The following GPR179 variants were observed in gnomAD, a reference collection of about 807,000 sequenced individuals.
GPR179 encodes probable G protein-coupled receptor 179.
Under a neutral mutation model 70.8 loss-of-function variants are expected in GPR179, and 52 were observed. The observed-to-expected ratio is 0.73, with a 90% CI of 0.59 to 0.93. The LOEUF is 0.93. Among genes scored for constraint, GPR179 ranks in the 40% least tolerant of loss-of-function variants. The pLI is 0.00. For missense variants in GPR179, 2,734 were observed against 2,966.8 expected, an observed-to-expected ratio of 0.92 and a Z score of 1.82; for synonymous variants, 1,123 against 1,169.0, an observed-to-expected ratio of 0.96 and a Z score of 0.80.
Position 38,329,276 on chromosome 17 carries a change from C to G in GPR179, c.4293G>C (p.Glu1431Asp). 1 of 1,613,172 alleles carries G rather than the reference C, an allele frequency of 6.2e-7. No individual in the cohort carries two copies. The highest frequency in any genetic ancestry group is 8.5e-7 in the Non-Finnish European group (1 of 1,179,620). Residue 1431 changes from glutamate to aspartate, a missense_variant, in exon 11 of 11, where the codon GAG becomes GAC. By Grantham distance (45) the Glu-to-Asp change is conservative (BLOSUM62 2). Coordinates refer to ENST00000616987, the MANE Select transcript of GPR179 (RefSeq NM_001004334.4). ...GGDLESLCPW[E>D]STDFRGPSAV... ...CTGAGGGGCCCCGGAAATCTGTACT[C>G]TCCCATGGACAAAGAGACTCCAAGT...
At position 38,327,590 on chromosome 17, in the gene GPR179, C is replaced by T; in HGVS notation, c.5979G>A (p.Arg1993=). 1 of 1,614,158 alleles carries T rather than the reference C, an allele frequency of 6.2e-7. No homozygotes were observed. The highest frequency in any genetic ancestry group is 8.5e-7 in the Non-Finnish European group (1 of 1,180,042). Residue 1993 remains arginine (R), a synonymous_variant, in exon 11 of 11, where the codon AGG becomes AGA. Transcript: ENST00000616987. ...CATCCCATGGGCACACGTCAGCGGC[C>T]CTGCCCCCAGTGCTGACCAGTCTCT... is the stretch of plus-strand genomic sequence containing the variant. ...SSQRLVSTGG[R]AADVCPWDVP...
In GPR179 at chr17:38,333,411, ATAAGAGTGGG is replaced by A. The variant is rs761414341; in HGVS notation, c.1891-24_1891-15del. 4.3e-6 allele frequency: 7 copies of A among 1,611,640 alleles called. No individual in the cohort carries two copies. The highest frequency in any genetic ancestry group is 4.2e-6 in the Non-Finnish European group (5 of 1,178,952). ...CAGCTTCCAGAACTGGCAGGGGTGC[ATAAGAGTGGG>A]AAAAAGACTCGCCCTGGCTCCTTGT... On this transcript the variant is annotated splice_polypyrimidine_tract_variant and intron_variant, in intron 9 of 10. Transcript: ENST00000616987.
At position 38,329,388 on chromosome 17, in the gene GPR179, G is replaced by A. The variant is rs747492119; in HGVS notation, c.4181C>T (p.Pro1394Leu). The A allele has an allele frequency of 4.3e-6, 7 of 1,613,986 alleles. No homozygotes were observed. The highest frequency in any genetic ancestry group is 3.3e-5 in the Admixed American group (2 of 59,992). ...EASEGGEDGKPAQEAVKDLPQ... is the reference protein window; with the variant it reads ...EASEGGEDGKLAQEAVKDLPQ... ...GAGATCCTTCACTGCCTCTTGGGCT[G>A]GTTTCCCATCCTCGCCTCCTTCACT... The change falls in exon 11 of 11, where the codon CCA becomes CTA. Residue 1394 changes from proline (P) to leucine (L), a missense_variant. Transcript: ENST00000616987.
Position 38,343,921 on chromosome 17 carries a change from T to A in GPR179, c.-132A>T. 1.4e-6 allele frequency: 1 copy of A among 729,118 alleles called. No individual in the cohort carries two copies. Among genetic ancestry groups the A allele is most frequent in the Non-Finnish European group, 2.1e-6 (1 of 467,158 alleles). 45.2% of individuals were successfully genotyped at this position (729,118 alleles called of 1,614,324 possible). A position where few individuals can be genotyped will look rare whatever the true frequency, so the allele number is the denominator to read the frequency against. ...CCTTCTTCCTCTCTCCGTCTCCCTC[T>A]CACGCTGGTGCCAGCTCGCCTGCTT... On this transcript the variant is annotated 5_prime_UTR_variant, in exon 1 of 11. Coordinates refer to ENST00000616987, the MANE Select transcript of GPR179 (RefSeq NM_001004334.4). The surrounding 1 kb of genome is among the most constrained non-coding windows in gnomAD (Gnocchi z 4.2).
Position 38,328,781 on chromosome 17 carries a change from C to A in GPR179, c.4788G>T (p.Glu1596Asp), listed in dbSNP as rs573315577. ...TPAKTEICPW[E>D]VNERTREEWT... ...ATTCCTCTCTTGTTCTTTCATTTAC[C>A]TCCCAGGGACAGATTTCTGTTTTGG... The change falls in exon 11 of 11, where the codon GAG becomes GAT. Residue 1596 changes from glutamate to aspartate, a missense_variant. Transcript: ENST00000616987. 2.8e-5 allele frequency: 45 copies of A among 1,614,064 alleles called. No individual in the cohort carries two copies. The South Asian group carries it at 4.3e-4, about 15-fold the overall frequency.
In GPR179 at chr17:38,328,740, A is replaced by C. The variant is rs771112178; in HGVS notation, c.4829T>G (p.Val1610Gly). 3.7e-5 allele frequency: 59 copies of C among 1,610,726 alleles called. No individual in the cohort carries two copies. Among genetic ancestry groups the C allele is most frequent in the Non-Finnish European group, 4.7e-5 (55 of 1,179,150 alleles). ...RTREEWTSAQ[V>G]PRGGESQKDK... ...CTTTTGAGATTCTCCTCCTCTTGGCACCTGTGCTGATGTCCATTCCTCTCT... is the reference window on the plus strand; with the variant it reads ...CTTTTGAGATTCTCCTCCTCTTGGCCCCTGTGCTGATGTCCATTCCTCTCT... The change falls in exon 11 of 11, where the codon GTG (valine) becomes GGG (glycine). Residue 1610 changes from valine (V) to glycine (G), a missense_variant. By Grantham distance (109) the Val-to-Gly change is moderately radical (BLOSUM62 -3). Transcript: ENST00000616987.
At position 38,343,609 on chromosome 17, in the gene GPR179, C is replaced by G; in HGVS notation, c.181G>C (p.Ala61Pro). ...VPLEGAEAAL[A>P]YLYSGDAQQL... ...TGGGCATCTCCAGAGTAGAGATAAG[C>G]GAGGGCGGCCTCGGCCCCCTCTAGG... Residue 61 changes from alanine (A) to proline (P), a missense_variant, in exon 1 of 11, where the codon GCT becomes CCT. Physicochemically the swap from Ala to Pro is conservative, Grantham distance 27. Coordinates refer to ENST00000616987, the MANE Select transcript of GPR179 (RefSeq NM_001004334.4). This position sits in a 1 kb window ranked among gnomAD's most constrained non-coding sequence, Gnocchi z 4.2. The G allele has an allele frequency of 6.2e-7, 1 of 1,613,772 alleles. No homozygotes were observed. The highest frequency in any genetic ancestry group is 8.5e-7 in the Non-Finnish European group (1 of 1,179,994).
rs1374230901 is a variant in GPR179, at chr17:38,327,118, C to A, written c.6451G>T (p.Gly2151Trp). The A allele has an allele frequency of 3.1e-6, 5 of 1,614,250 alleles. No homozygotes were observed. Among genetic ancestry groups the A allele is most frequent in the Middle Eastern group, 1.6e-4 (1 of 6,062 alleles). ...TTCTGAAGGAACATCTCTCCTTGCCCTTGTGATTCTCTTTCCTGTTCCCCT... is the reference window on the plus strand; with the variant it reads ...TTCTGAAGGAACATCTCTCCTTGCCATTGTGATTCTCTTTCCTGTTCCCCT... ...EEGEQERESQGQGEMFLQKAG... is the reference protein window; with the variant it reads ...EEGEQERESQWQGEMFLQKAG... Residue 2151 changes from glycine (G) to tryptophan (W), a missense_variant, in exon 11 of 11, where the codon GGG becomes TGG. Gly to Trp is a radical substitution (Grantham distance 184, BLOSUM62 -2). Coordinates refer to ENST00000616987, the MANE Select transcript of GPR179 (RefSeq NM_001004334.4).
Position 38,325,670 on chromosome 17 carries a change from A to AG in GPR179, c.*794dup, listed in dbSNP as rs1457489610. On this transcript the variant is annotated 3_prime_UTR_variant, in exon 11 of 11. Coordinates refer to ENST00000616987, the MANE Select transcript of GPR179 (RefSeq NM_001004334.4). ...CTAAAAAACTAGCAAGAGGCACACA[A>AG]GGATGTCTGGAAGGAAGAGCTCCCT... 2 of 152,360 alleles carry AG rather than the reference A, an allele frequency of 1.3e-5. No individual in the cohort carries two copies. The highest frequency in any genetic ancestry group is 2.9e-5 in the Non-Finnish European group (2 of 68,106). 9.4% of individuals were successfully genotyped at this position (152,360 alleles called of 1,614,324 possible). A position where few individuals can be genotyped will look rare whatever the true frequency, so the allele number is the denominator to read the frequency against.
rs895771748 is a variant in GPR179 at position 38,334,553 on chromosome 17, G to T, written c.1784+151C>A. ...GGAGTACAGAAGGGGCATCTGGGGG[G>T]TAGGGAGAGAGCCAGAAGTGGGGGC... is the stretch of plus-strand genomic sequence containing the variant. On this transcript the variant is annotated intron_variant, in intron 8 of 10. Transcript: ENST00000616987. The surrounding 1 kb of genome is among the most constrained non-coding windows in gnomAD (Gnocchi z 4.7). 2 of 727,258 alleles carry T rather than the reference G, an allele frequency of 2.8e-6. No individual in the cohort carries two copies. The highest frequency in any genetic ancestry group is 1.7e-5 in the South Asian group (1 of 58,464). 45.1% of individuals were successfully genotyped at this position (727,258 alleles called of 1,614,324 possible).
chr17:38,333,457 A>C lies in GPR179; in HGVS notation c.1891-60T>G, dbSNP rs1236759755. The stretch of plus-strand genomic sequence containing the variant: ...GCCCTGGCTCCTTGTCCACTCCTGC[A>C]CTCACCTGCCCTGTGGAATGCGTCC... On this transcript the variant is annotated intron_variant, in intron 9 of 10. Coordinates refer to ENST00000616987, the MANE Select transcript of GPR179 (RefSeq NM_001004334.4). 55 of 1,539,382 alleles carry C rather than the reference A, an allele frequency of 3.6e-5. No homozygotes were observed. The South Asian group carries it at 6.0e-4, about 17-fold the overall frequency.
chr17:38,336,174 A>G, intron 4 of GPR179, 30 bp from the exon 5 acceptor site: 1 of 1,519,712 alleles, frequency 6.6e-7, no homozygotes. Flanking sequence ...GCATGTGAGC[A>G]GAGTCTGGAC....
Position 38,333,382 on chromosome 17 carries a change from C to T in GPR179, c.1906G>A (p.Ala636Thr). 2 of 1,613,464 alleles carry T rather than the reference C, an allele frequency of 1.2e-6. No homozygotes were observed. Among genetic ancestry groups the T allele is most frequent in the Non-Finnish European group, 1.7e-6 (2 of 1,179,690 alleles). ...TCCACCATCTCCTCCCGGGGAGGAG[C>T]CCCCAGCTTCCAGAACTGGCAGGGG... is the stretch of plus-strand genomic sequence containing the variant. ...IFIPKFWKLGAPPREEMVDEV... is the reference protein window; with the variant it reads ...IFIPKFWKLGTPPREEMVDEV... The change falls in exon 10 of 11, where the codon GCT becomes ACT. Residue 636 changes from alanine (A) to threonine (T), a missense_variant. Transcript: ENST00000616987.
Position 38,326,900 on chromosome 17 carries a change from T to C in GPR179, c.6669A>G (p.Gln2223=), listed in dbSNP as rs368207971. 19 of 1,614,070 alleles carry C rather than the reference T, an allele frequency of 1.2e-5. No homozygotes were observed. The highest frequency in any genetic ancestry group is 7.7e-5 in the South Asian group (7 of 91,082). ...TTCCTTCTGGATCTGTGATTTCCCA[T>C]TGGCACAGCTCTGCCATCCTGCTTC... ...SMGSRMAELC[Q]WEITDPEGNK... is the part of the protein sequence containing the mutation. Residue 2223 remains glutamine (Q), a synonymous_variant, in exon 11 of 11, where the codon CAA becomes CAG. Transcript: ENST00000616987.
chr17:38,337,000 G>A lies in GPR179; in HGVS notation c.1205C>T (p.Ser402Phe). 2 of 1,604,124 alleles carry A rather than the reference G, an allele frequency of 1.2e-6. No homozygotes were observed. The highest frequency in any genetic ancestry group is 1.7e-6 in the Non-Finnish European group (2 of 1,176,416). ...MLAIFLSMLV[S>F]YRCRRNKRIW... ...TGCCTTGTTCCGGCGGCAGCGGTAG[G>A]AGACCAGCATGCTCAGGAAGATGGC... Residue 402 changes from serine to phenylalanine, a missense_variant, in exon 4 of 11, where the codon TCC becomes TTC. Transcript: ENST00000616987.
At chr17:38,339,693 C>T (rs138013514) in intron 1 of GPR179, among the ~76,000 whole-genome samples, 168 bp from the exon 2 acceptor site, 7 of 152,144 alleles carry the variant, frequency 4.6e-5, no homozygotes, top group Non-Finnish European at 5.9e-5. Flanking sequence ...AAGGTCTCTC[C>T]GACCTTCTCC....
intron 2 of GPR179, among the ~76,000 whole-genome samples, chr17:38,338,329 AG>A (rs1172058673): frequency 1.3e-5 from 2 of 152,214 alleles, no homozygotes; most frequent in Non-Finnish European, 2.9e-5. Context: ...CAGACCTCAG[AG>A]CCAGGCAGGG....
intron 4 of GPR179, among the ~76,000 whole-genome samples, chr17:38,336,434 G>A (rs1255404445): frequency 6.6e-6 from 1 of 152,214 alleles, no homozygotes. Context: ...AGAGGCTGCT[G>A]GAGCTGGAAG....
At chr17:38,337,279 T>C in intron 3 of GPR179, 66 bp from the exon 4 acceptor site, 1 of 1,504,302 alleles carries the variant, frequency 6.6e-7, no homozygotes, top group Non-Finnish European at 8.9e-7. Flanking sequence ...CCCAGCCTTT[T>C]CCCTGATAGT....
Sources: allele counts gnomAD v4.1 joint callset (sites outside exome capture counted in the v4.1 genomes callset), GRCh38; gene constraint gnomAD v4.1.1; non-coding constraint Gnocchi (gnomAD v3.1); transcripts MANE v1.5; gene names NCBI Gene and HGNC (gene_info 2026-07-23, HGNC 2026-07-21).